Variants in GALNT13 observed in about 807,000 individuals in gnomAD.
The protein encoded by GALNT13 is UDP-GalNAc:polypeptide N-acetylgalactosaminyltransferase 13.
Under a neutral mutation model 64.2 loss-of-function variants are expected in GALNT13, and 28 were observed. The ratio of observed to expected loss-of-function variants is 0.44; its 90% CI spans 0.32 to 0.60. GALNT13 has a LOEUF of 0.60. Ranked by LOEUF, GALNT13 falls within the 20% of genes least tolerant of loss-of-function variation. The pLI, the probability that GALNT13 is intolerant of heterozygous loss-of-function variation, is 0.05. For synonymous variants in GALNT13, 214 were observed against 224.6 expected (o/e 0.95, Z 0.42); for missense variants, 577 against 669.8 (o/e 0.86, Z 1.53).
intron 4 of GALNT13, among the ~76,000 whole-genome samples, chr2:154,186,450 T>G (rs185212896): frequency 6.6e-6 from 1 of 152,106 alleles, no homozygotes; most frequent in Admixed American, 6.6e-5. Flanking sequence ...TTGTTGCTGC[T>G]TACGTTATTT....
At chr2:153,453,676 A>AATT in the GALNT13 span, among the ~76,000 whole-genome samples, 1 of 152,202 alleles carries the variant, frequency 6.6e-6, no homozygotes, top group Non-Finnish European at 1.5e-5. Flanking sequence ...AGGGAATGTA[A>AATT]ATTAGTTCAG....
chr2:153,991,933 C>A lies in GALNT13; in HGVS notation c.142+47294C>A, dbSNP rs958234335. ...ACTAAGGACAAGCTTGTACTTAATGCCAAAGAGAGAAATAAATAATGTGAA... is the reference window on the plus strand; with the variant it reads ...ACTAAGGACAAGCTTGTACTTAATGACAAAGAGAGAAATAAATAATGTGAA... On this transcript the variant is annotated intron_variant, in intron 3 of 12. Transcript: ENST00000392825. Among the ~76,000 whole-genome samples, 137 of 152,026 alleles carry A rather than the reference C, an allele frequency of 9.0e-4. 5 individuals carry two copies. The highest frequency in any genetic ancestry group is 8.9e-3 in the Admixed American group (135 of 15,248).
the GALNT13 span, among the ~76,000 whole-genome samples, chr2:153,267,935 AT>A: frequency 6.6e-6 from 1 of 152,170 alleles, no homozygotes; most frequent in Non-Finnish European, 1.5e-5. Flanking sequence ...CAATGATTTA[AT>A]TATCTCCACC....
the GALNT13 span, among the ~76,000 whole-genome samples, chr2:153,694,547 G>A: frequency 0.2 from 30,570 of 152,056 alleles, 3,418 homozygotes; most frequent in Non-Finnish European, 0.25. Flanking sequence ...ATGACTTTTA[G>A]GAACAGACAC....
chr2:153,741,117 C>T, the GALNT13 span, among the ~76,000 whole-genome samples: 3 of 152,096 alleles, frequency 2.0e-5, no homozygotes, highest in African/African-American at 7.2e-5. Flanking sequence ...TCCATATTTC[C>T]TAAGATTCTT....
At chr2:154,227,127 C>T (rs987575940) in intron 4 of GALNT13, among the ~76,000 whole-genome samples, 3 of 152,012 alleles carry the variant, frequency 2.0e-5, no homozygotes, top group Non-Finnish European at 2.9e-5. Context: ...CTTCTAGGCT[C>T]AGTACATTCA....
the GALNT13 span, among the ~76,000 whole-genome samples, chr2:153,160,389 A>T: frequency 6.6e-6 from 1 of 152,206 alleles, no homozygotes; most frequent in Non-Finnish European, 1.5e-5. Context: ...TGTAATGTTG[A>T]AATAGGGTAA....
chr2:153,349,477 T>G, the GALNT13 span, among the ~76,000 whole-genome samples: 2 of 152,200 alleles, frequency 1.3e-5, no homozygotes, highest in East Asian at 1.9e-4. Flanking sequence ...AGACAAAGTA[T>G]TCAAGACAGT....
the GALNT13 span, among the ~76,000 whole-genome samples, chr2:153,431,777 A>G: frequency 5.9e-5 from 9 of 152,330 alleles, no homozygotes; most frequent in East Asian, 1.7e-3. Flanking sequence ...CATCTAATAT[A>G]TTTCACACAG....
At chr2:153,632,931 C>CT in the GALNT13 span, among the ~76,000 whole-genome samples, 7 of 150,314 alleles carry the variant, frequency 4.7e-5, no homozygotes, top group South Asian at 4.2e-4. Context: ...TTTTTTGGCA[C>CT]TTTTTTTTTA....
the GALNT13 span, among the ~76,000 whole-genome samples, chr2:153,763,254 G>A: frequency 3.3e-5 from 5 of 152,068 alleles, no homozygotes; most frequent in East Asian, 5.8e-4. Flanking sequence ...TTAATAATTA[G>A]TGGTCTTGGT....
At chr2:153,998,325 G>A (rs1347096092) in intron 3 of GALNT13, among the ~76,000 whole-genome samples, 3 of 152,124 alleles carry the variant, frequency 2.0e-5, no homozygotes, top group East Asian at 3.9e-4. Context: ...GACCTTTAAT[G>A]ATCACCATTC....
the GALNT13 span, among the ~76,000 whole-genome samples, chr2:153,380,842 A>C: frequency 6.6e-6 from 1 of 152,154 alleles, no homozygotes; most frequent in Non-Finnish European, 1.5e-5. Context: ...AATTTATGTC[A>C]GGCTTAATCC....
intron 9 of GALNT13, among the ~76,000 whole-genome samples, chr2:154,352,553 C>T (rs1239953816): frequency 6.6e-6 from 1 of 152,138 alleles, no homozygotes; most frequent in Admixed American, 6.5e-5. Context: ...ATTTGAGGCT[C>T]AGACAGGTGA....
the GALNT13 span, among the ~76,000 whole-genome samples, chr2:153,842,299 A>T: frequency 6.6e-6 from 1 of 152,302 alleles, no homozygotes; most frequent in Non-Finnish European, 1.5e-5. Context: ...AGGCTAAAAC[A>T]TTGAACAAAA....
the GALNT13 span, among the ~76,000 whole-genome samples, chr2:153,798,690 G>T: frequency 2.6e-5 from 4 of 152,120 alleles, no homozygotes; most frequent in Non-Finnish European, 5.9e-5. Context: ...TCACTCTAGT[G>T]TTGTATACGG....
chr2:154,009,568 G>A (rs1021102566), intron 3 of GALNT13, among the ~76,000 whole-genome samples: 4 of 149,174 alleles, frequency 2.7e-5, no homozygotes, highest in Admixed American at 2.7e-4. Context: ...TCGGCTGACT[G>A]CAACCCCTGC....
Position 154,434,356 on chromosome 2 carries a change from C to G in GALNT13, c.1396-4236C>G, listed in dbSNP as rs562599354. On this transcript the variant is annotated intron_variant, in intron 11 of 12. Transcript: ENST00000392825. The stretch of plus-strand genomic sequence containing the variant: ...CTCACTGCAAATTCCGCCTCCCGGG[C>G]TCACGCCATTCTCCTGCCTCAGCCT... 1.1e-4 allele frequency among the ~76,000 whole-genome samples: 16 copies of G among 152,236 alleles called. No homozygotes were observed. In the East Asian group the frequency reaches 2.9e-3, roughly 28 times the overall value.
chr2:153,684,203 G>A, the GALNT13 span, among the ~76,000 whole-genome samples: 1 of 151,604 alleles, frequency 6.6e-6, no homozygotes, highest in African/African-American at 2.4e-5. Context: ...AGTGAGATTA[G>A]TAGAAGAGTG....
Sources: allele counts gnomAD v4.1 joint callset (sites outside exome capture counted in the v4.1 genomes callset), GRCh38; gene constraint gnomAD v4.1.1; transcripts MANE v1.5; gene names NCBI Gene and HGNC (gene_info 2026-07-23, HGNC 2026-07-21).